ZFHX3: variants seen among roughly 807,000 people sequenced by gnomAD.
ZFHX3 encodes the protein zinc finger homeobox 3, also known as zinc finger homeobox protein 3.
Under a neutral mutation model 279.1 loss-of-function variants are expected in ZFHX3, and 42 were observed. The ratio of observed to expected loss-of-function variants is 0.15; its 90% confidence interval spans 0.12 to 0.19. ZFHX3 has a LOEUF of 0.19. Ranked by LOEUF, ZFHX3 falls within the 10% of genes least tolerant of loss-of-function variation. The pLI is 1.00. For synonymous variants in ZFHX3, 2,293 were observed against 1,957.8 expected (o/e 1.17, Z -4.52); for missense variants, 4,981 against 4,754.0 (o/e 1.05, Z -1.40).
chr16:72,971,563 G>A (rs1020080613), intron 1 of ZFHX3, among the ~76,000 whole-genome samples: 5 of 152,060 alleles, frequency 3.3e-5, no homozygotes, highest in South Asian at 2.1e-4. Flanking sequence ...TACTCATGAC[G>A]TTGTGTCTGT....
chr16:72,915,592 C>G (rs1386903072), intron 3 of ZFHX3, among the ~76,000 whole-genome samples: 1 of 147,870 alleles, frequency 6.8e-6, no homozygotes, highest in Non-Finnish European at 1.5e-5. Context: ...GATCCAGTCT[C>G]TACAAAAAAT....
chr16:73,522,560 A>T, intron 2 of ZFHX3, among the ~76,000 whole-genome samples: 1 of 152,262 alleles, frequency 6.6e-6, no homozygotes. Flanking sequence ...AGGGGAACTT[A>T]GTTGACTAAG....
chr16:73,215,201 G>A (rs189900978), intron 5 of ZFHX3, among the ~76,000 whole-genome samples: 283 of 152,288 alleles, frequency 1.9e-3, no homozygotes, highest in African/African-American at 6.1e-3. Flanking sequence ...TAGAGAAGCC[G>A]AGGAGACCCA....
intron 4 of ZFHX3, among the ~76,000 whole-genome samples, chr16:72,832,033 A>AT (rs2037072615): frequency 6.6e-6 from 1 of 152,228 alleles, no homozygotes; most frequent in Non-Finnish European, 1.5e-5. Context: ...TAGTGCATAC[A>AT]TATGACCACC....
chr16:73,240,047 GTGTGTA>G (rs370318390), intron 5 of ZFHX3, among the ~76,000 whole-genome samples: 15 of 145,462 alleles, frequency 1.0e-4, no homozygotes, highest in East Asian at 6.7e-4. Context: ...GTGTGTGTGT[GTGTGTA>G]TATCTATACA....
chr16:73,271,314 C>A (rs528331149), intron 4 of ZFHX3, among the ~76,000 whole-genome samples: 1 of 152,284 alleles, frequency 6.6e-6, no homozygotes, highest in Admixed American at 6.5e-5. Flanking sequence ...GTTTTGAGAC[C>A]CTCCGATTTC....
At chr16:72,790,546 G>A (rs1365334670) in intron 9 of ZFHX3, 2 of 152,122 alleles carry the variant, frequency 1.3e-5, no homozygotes, top group African/African-American at 2.4e-5. Context: ...GATTTCAGAC[G>A]AAAAGAACAA....
intron 5 of ZFHX3, among the ~76,000 whole-genome samples, chr16:73,225,015 A>G (rs1294972459): frequency 6.6e-6 from 1 of 152,094 alleles, no homozygotes; most frequent in East Asian, 1.9e-4. Flanking sequence ...CTTGCAATAG[A>G]CTCACACTTT....
At chr16:73,464,453 GAA>G (rs34147553) in intron 2 of ZFHX3, among the ~76,000 whole-genome samples, 41 of 131,560 alleles carry the variant, frequency 3.1e-4, no homozygotes, top group South Asian at 2.9e-3. Flanking sequence ...ATCAATTTAA[GAA>G]AAAAAAAAAA....
chr16:73,804,018 G>A (rs1032121692), intron 1 of ZFHX3, among the ~76,000 whole-genome samples: 7 of 152,118 alleles, frequency 4.6e-5, no homozygotes, highest in African/African-American at 1.7e-4. Flanking sequence ...TTAACTGGGA[G>A]TGGTGGCACA....
intron 3 of ZFHX3, among the ~76,000 whole-genome samples, chr16:73,358,498 G>C (rs1326414191): frequency 6.6e-6 from 1 of 152,192 alleles, no homozygotes; most frequent in East Asian, 1.9e-4. Flanking sequence ...TTCAAACCTT[G>C]AGATGATGGC....
intron 4 of ZFHX3, among the ~76,000 whole-genome samples, chr16:72,864,059 G>T (rs1250491727): frequency 6.6e-6 from 1 of 152,098 alleles, no homozygotes; most frequent in Non-Finnish European, 1.5e-5. Flanking sequence ...AGAGCTTGCA[G>T]TGAGCCGAGA....
intron 7 of ZFHX3, chr16:72,807,726 C>T (rs2143556065): frequency 6.6e-6 from 1 of 152,238 alleles, no homozygotes. Context: ...AAATATTTAC[C>T]AGAATTTACA....
At chr16:72,870,228 C>CA (rs890753602) in intron 4 of ZFHX3, among the ~76,000 whole-genome samples, 6 of 151,520 alleles carry the variant, frequency 4.0e-5, no homozygotes, top group Non-Finnish European at 7.4e-5. Flanking sequence ...ATCATCTCTA[C>CA]AAAAAATACA....
intron 7 of ZFHX3, among the ~76,000 whole-genome samples, chr16:72,811,100 G>A (rs2036431217): frequency 1.3e-5 from 2 of 152,116 alleles, no homozygotes; most frequent in East Asian, 1.9e-4. Flanking sequence ...ACCTAGGCTG[G>A]TCTCAAACTC....
chr16:72,789,879 A>C (rs2035622405), intron 9 of ZFHX3: 1 of 152,280 alleles, frequency 6.6e-6, no homozygotes, highest in African/African-American at 2.4e-5. Context: ...CCGCAGGAAA[A>C]GCAGAAAAGC....
At chr16:72,921,743 G>C (rs1237469881) in intron 3 of ZFHX3, among the ~76,000 whole-genome samples, 3 of 152,176 alleles carry the variant, frequency 2.0e-5, no homozygotes, top group Non-Finnish European at 4.4e-5. Context: ...CTGGCTCGGC[G>C]CCCAGCGTGC....
At chr16:73,695,714 C>T (rs1033013163) in intron 1 of ZFHX3, among the ~76,000 whole-genome samples, 7 of 152,266 alleles carry the variant, frequency 4.6e-5, no homozygotes, top group South Asian at 2.1e-4. Flanking sequence ...CAAGAGAATG[C>T]GATAAGATGG....
At chr16:73,509,291 C>CTACCATG (rs1453605303) in intron 2 of ZFHX3, among the ~76,000 whole-genome samples, 2 of 152,188 alleles carry the variant, frequency 1.3e-5, no homozygotes, top group African/African-American at 4.8e-5. Context: ...CACCACCTCA[C>CTACCATG]TACCATGTAC....
Sources: allele counts gnomAD v4.1 joint callset (sites outside exome capture counted in the v4.1 genomes callset), GRCh38; gene constraint gnomAD v4.1.1; transcripts MANE v1.5; gene names NCBI Gene and HGNC (gene_info 2026-07-23, HGNC 2026-07-21).